The following PRELID2 variants were observed in gnomAD, a reference collection of about 807,000 sequenced individuals.
PRELID2 encodes the protein PRELI domain containing 2.
Under a neutral mutation model 28.4 loss-of-function variants are expected in PRELID2, and 25 were observed. The ratio of observed to expected loss-of-function variants is 0.88; its 90% CI spans 0.64 to 1.23. The LOEUF is 1.23. PRELID2 is among the 50% of genes most tolerant of loss of function. The probability of loss-of-function intolerance (pLI) is 0.00; values close to 1 mark genes in which losing one functional copy is unlikely to be tolerated. For missense variants in PRELID2, 201 were observed against 214.4 expected (o/e 0.94, Z 0.39); for synonymous variants, 76 against 71.6 (o/e 1.06, Z -0.31).
At chr5:145,447,718 G>A in the PRELID2 span, among the ~76,000 whole-genome samples, 8 of 115,608 alleles carry the variant, frequency 6.9e-5, no homozygotes, top group Admixed American at 1.9e-4. Flanking sequence ...GAGAATATGC[G>A]GTGTTTGGTT....
intron 1 of PRELID2, among the ~76,000 whole-genome samples, chr5:145,747,595 G>T (rs996268271): frequency 6.6e-6 from 1 of 151,768 alleles, no homozygotes; most frequent in African/African-American, 2.4e-5. Context: ...TCTACCAGAG[G>T]TACAAAGAGG....
intron 1 of PRELID2, among the ~76,000 whole-genome samples, chr5:145,611,207 A>G (rs1248081094): frequency 6.6e-6 from 1 of 152,014 alleles, no homozygotes; most frequent in East Asian, 1.9e-4. Context: ...TCTGTTGCCC[A>G]GGCTGGAGTG....
At chr5:145,559,241 G>A (rs548887633) in intron 1 of PRELID2, among the ~76,000 whole-genome samples, 5 of 150,472 alleles carry the variant, frequency 3.3e-5, no homozygotes, top group South Asian at 4.2e-4. Context: ...GCGACTGAGC[G>A]AGACTTCATC....
intron 1 of PRELID2, among the ~76,000 whole-genome samples, chr5:145,484,469 T>C (rs902258436): frequency 6.6e-6 from 1 of 152,224 alleles, no homozygotes; most frequent in African/African-American, 2.4e-5. Context: ...TATTTCTTAT[T>C]GGTTCATTGA....
At chr5:145,322,644 A>G in the PRELID2 span, among the ~76,000 whole-genome samples, 2 of 152,258 alleles carry the variant, frequency 1.3e-5, no homozygotes, top group Non-Finnish European at 2.9e-5. Context: ...AATACTTACT[A>G]GAAATAGCAC....
intron 4 of PRELID2, among the ~76,000 whole-genome samples, chr5:145,816,168 C>T (rs147009714): frequency 8.8e-4 from 125 of 142,132 alleles, no homozygotes; most frequent in African/African-American, 3.1e-3. Context: ...CTGAAACCTT[C>T]GTCTCCTGGG....
the PRELID2 span, among the ~76,000 whole-genome samples, chr5:145,342,227 C>A: frequency 6.6e-6 from 1 of 152,126 alleles, no homozygotes; most frequent in Non-Finnish European, 1.5e-5. Context: ...TTCATTACCA[C>A]TAGACATTCC....
At chr5:145,569,004 A>G (rs1043801446) in intron 1 of PRELID2, among the ~76,000 whole-genome samples, 1 of 152,182 alleles carries the variant, frequency 6.6e-6, no homozygotes, top group East Asian at 1.9e-4. Flanking sequence ...TCCTATTTTC[A>G]TGCTTCCTTC....
At chr5:145,605,343 T>C (rs1260511759) in intron 1 of PRELID2, among the ~76,000 whole-genome samples, 1 of 152,106 alleles carries the variant, frequency 6.6e-6, no homozygotes, top group Non-Finnish European at 1.5e-5. Context: ...TTGATTTAAT[T>C]TTTGTATACG....
the PRELID2 span, among the ~76,000 whole-genome samples, chr5:145,335,051 G>C: frequency 6.6e-6 from 1 of 152,004 alleles, no homozygotes; most frequent in South Asian, 2.1e-4. Flanking sequence ...TTTTAAGTAA[G>C]CTTTTATCTC....
At chr5:145,477,927 T>C (rs1039031550) in intron 1 of PRELID2, among the ~76,000 whole-genome samples, 1 of 152,036 alleles carries the variant, frequency 6.6e-6, no homozygotes. Flanking sequence ...AAATTTGAGA[T>C]GTTAAGGTGA....
At chr5:145,731,590 C>T (rs867239183) in intron 1 of PRELID2, among the ~76,000 whole-genome samples, 2 of 152,202 alleles carry the variant, frequency 1.3e-5, no homozygotes, top group African/African-American at 4.8e-5. Flanking sequence ...TACAACATGG[C>T]AGGTCATTTC....
chr5:145,519,302 A>T (rs1348616332), intron 1 of PRELID2, among the ~76,000 whole-genome samples: 1 of 152,180 alleles, frequency 6.6e-6, no homozygotes, highest in African/African-American at 2.4e-5. Context: ...GCTGAAGGTA[A>T]CCTTTAGGAT....
the PRELID2 span, among the ~76,000 whole-genome samples, chr5:145,250,272 C>T: frequency 6.6e-6 from 1 of 152,070 alleles, no homozygotes; most frequent in Non-Finnish European, 1.5e-5. Context: ...GTATTTTGCT[C>T]AAAGGACTTT....
At chr5:145,542,861 C>A (rs1172228811) in intron 1 of PRELID2, among the ~76,000 whole-genome samples, 1 of 150,632 alleles carries the variant, frequency 6.6e-6, no homozygotes, top group Non-Finnish European at 1.5e-5. Flanking sequence ...TGTTAATGCA[C>A]CCTTTTGTTA....
chr5:145,695,544 G>T (rs1490806916), intron 1 of PRELID2, among the ~76,000 whole-genome samples: 1 of 152,184 alleles, frequency 6.6e-6, no homozygotes, highest in Non-Finnish European at 1.5e-5. Flanking sequence ...GTTGTCCCAT[G>T]ACATCACCCT....
chr5:145,683,160 C>T (rs1223403618), intron 1 of PRELID2, among the ~76,000 whole-genome samples: 1 of 152,060 alleles, frequency 6.6e-6, no homozygotes, highest in Non-Finnish European at 1.5e-5. Flanking sequence ...TAGATTTGAG[C>T]CTGAATTTGT....
intron 1 of PRELID2, among the ~76,000 whole-genome samples, chr5:145,499,221 C>A (rs566436689): frequency 1.3e-4 from 19 of 151,968 alleles, no homozygotes; most frequent in Non-Finnish European, 2.6e-4. Context: ...GCACTCCAGC[C>A]TAGACAACAG....
chr5:145,419,824 G>C, the PRELID2 span, among the ~76,000 whole-genome samples: 1 of 151,970 alleles, frequency 6.6e-6, no homozygotes, highest in South Asian at 2.1e-4. Context: ...GTCCTGAATG[G>C]TAATGCCTAG....
Sources: gnomAD v4.1 joint callset for allele counts (sites outside exome capture counted in the v4.1 genomes callset) on GRCh38, gnomAD v4.1.1 for gene constraint, MANE v1.5 for transcripts, NCBI Gene and HGNC (gene_info 2026-07-23, HGNC 2026-07-21) for gene names.